The following LRMDA variants were observed in gnomAD, a reference collection of about 807,000 sequenced individuals.
The protein encoded by LRMDA is leucine-rich melanocyte differentiation-associated protein.
LRMDA carries 18 observed loss-of-function variants against 29.8 expected under a neutral mutation model. That is an observed-to-expected ratio of 0.60 (90% CI 0.42 to 0.90). The LOEUF (loss-of-function observed/expected upper bound fraction) is 0.90, where lower values mean the gene tolerates loss of function less well. LRMDA is among the 40% of genes least tolerant of loss of function. The pLI is 0.00. For missense variants in LRMDA, 273 were observed against 273.9 expected, an observed-to-expected ratio of 1.00 and a Z score of 0.02; for synonymous variants, 125 against 109.4, an observed-to-expected ratio of 1.14 and a Z score of -0.89.
chr10:76,344,783 A>G (rs1841081729), intron 6 of LRMDA, among the ~76,000 whole-genome samples: 1 of 152,024 alleles, frequency 6.6e-6, no homozygotes, highest in African/African-American at 2.4e-5. Flanking sequence ...ATAGGTAGGG[A>G]AAAGATGGGC....
At chr10:75,679,406 A>C (rs1040756047) in intron 2 of LRMDA, among the ~76,000 whole-genome samples, 2 of 152,232 alleles carry the variant, frequency 1.3e-5, no homozygotes, top group East Asian at 1.9e-4. Flanking sequence ...TAACTTGCCA[A>C]AGGTAATTCA....
At chr10:76,008,337 C>T (rs909421871) in intron 2 of LRMDA, among the ~76,000 whole-genome samples, 3 of 152,122 alleles carry the variant, frequency 2.0e-5, no homozygotes, top group Admixed American at 1.3e-4. Context: ...GTTTTGATTC[C>T]CATTGACTGA....
rs549245648 is a variant in LRMDA, at chr10:76,367,045, G to A, written c.601+42560G>A. On this transcript the variant is annotated intron_variant, in intron 6 of 6. Transcript: ENST00000611255. ...TTTGTTTTTAATTCTGTTTATGTGG[G>A]GTATCACATTTATTGACTTGCGTAT... Among the ~76,000 whole-genome samples, 6 of 152,044 alleles carry A rather than the reference G, an allele frequency of 3.9e-5. No individual in the cohort carries two copies. In the South Asian group the frequency reaches 1.2e-3, roughly 32 times the overall value.
chr10:75,522,441 C>T (rs1330230763), intron 2 of LRMDA, among the ~76,000 whole-genome samples: 3 of 152,260 alleles, frequency 2.0e-5, no homozygotes, highest in Admixed American at 6.5e-5. Context: ...GTAGTATAGA[C>T]GGATTTTAAA....
chr10:75,790,501 G>A (rs1265279438), intron 2 of LRMDA, among the ~76,000 whole-genome samples: 1 of 152,196 alleles, frequency 6.6e-6, no homozygotes, highest in Non-Finnish European at 1.5e-5. Flanking sequence ...TGGGACAGAT[G>A]GGATCTGAGT....
intron 2 of LRMDA, among the ~76,000 whole-genome samples, chr10:75,871,186 C>G (rs1564592371): frequency 6.6e-6 from 1 of 152,168 alleles, no homozygotes; most frequent in African/African-American, 2.4e-5. Context: ...CTTTAGGGGC[C>G]CCCATTACAT....
At chr10:75,954,003 G>C (rs1036568032) in intron 2 of LRMDA, among the ~76,000 whole-genome samples, 3 of 152,188 alleles carry the variant, frequency 2.0e-5, no homozygotes, top group Non-Finnish European at 2.9e-5. Flanking sequence ...AAGAGAGAGA[G>C]GGATTTGACA....
chr10:76,084,674 T>A (rs1236932358), intron 5 of LRMDA, among the ~76,000 whole-genome samples: 1 of 152,184 alleles, frequency 6.6e-6, no homozygotes, highest in African/African-American at 2.4e-5. Flanking sequence ...AGGTTAAAAA[T>A]GATATATGTA....
intron 5 of LRMDA, among the ~76,000 whole-genome samples, chr10:76,212,931 C>A (rs1247764211): frequency 6.6e-6 from 1 of 152,150 alleles, no homozygotes; most frequent in East Asian, 1.9e-4. Context: ...TTTTGTGCAC[C>A]ATTGCTGACT....
At chr10:76,085,974 C>T (rs967314402) in intron 5 of LRMDA, among the ~76,000 whole-genome samples, 6 of 152,314 alleles carry the variant, frequency 3.9e-5, no homozygotes, top group Middle Eastern at 6.8e-3. Context: ...ACTCCTCCCA[C>T]CTCCTCCTTC....
intron 2 of LRMDA, among the ~76,000 whole-genome samples, chr10:75,830,122 A>G (rs944613118): frequency 2.6e-5 from 4 of 152,130 alleles, no homozygotes; most frequent in Non-Finnish European, 5.9e-5. Flanking sequence ...TTGGGAAAAT[A>G]TATCGAACCA....
At chr10:75,811,432 A>G (rs1313870405) in intron 2 of LRMDA, among the ~76,000 whole-genome samples, 1 of 152,122 alleles carries the variant, frequency 6.6e-6, no homozygotes, top group Non-Finnish European at 1.5e-5. Context: ...TAGGGCTAAC[A>G]GCTGCCTCAG....
intron 4 of LRMDA, among the ~76,000 whole-genome samples, chr10:76,054,359 G>A (rs528730520): frequency 2.1e-4 from 32 of 152,112 alleles, no homozygotes; most frequent in South Asian, 1.0e-3. Context: ...CTGTCTCTTC[G>A]ATTGTATAAG....
At chr10:75,537,587 C>T (rs1179480560) in intron 2 of LRMDA, among the ~76,000 whole-genome samples, 1 of 152,196 alleles carries the variant, frequency 6.6e-6, no homozygotes, top group African/African-American at 2.4e-5. Flanking sequence ...AGGCCTGAGC[C>T]AGGCCCGTAA....
intron 6 of LRMDA, among the ~76,000 whole-genome samples, chr10:76,546,543 T>A (rs1843423198): frequency 6.6e-6 from 1 of 152,214 alleles, no homozygotes; most frequent in South Asian, 2.1e-4. Flanking sequence ...TTAGGAAAGC[T>A]AAGAAGATGT....
chr10:75,721,956 CTGG>C (rs1842572833), intron 2 of LRMDA, among the ~76,000 whole-genome samples: 1 of 152,082 alleles, frequency 6.6e-6, no homozygotes, highest in Non-Finnish European at 1.5e-5. Flanking sequence ...GGAATTAAGG[CTGG>C]TGGTGAAGAA....
intron 5 of LRMDA, among the ~76,000 whole-genome samples, chr10:76,258,746 A>G (rs1839897944): frequency 6.6e-6 from 1 of 152,204 alleles, no homozygotes; most frequent in African/African-American, 2.4e-5. Context: ...TATTTCGCTT[A>G]ACATAATATC....
At position 76,026,169 on chromosome 10, in the gene LRMDA, G is replaced by A. The variant is rs111304767; in HGVS notation, c.132-9839G>A. Among the ~76,000 whole-genome samples, 35 of 152,290 alleles carry A rather than the reference G, an allele frequency of 2.3e-4. No homozygotes were observed. In the East Asian group the frequency reaches 2.3e-3, roughly 10 times the overall value. On this transcript the variant is annotated intron_variant, in intron 2 of 6. Transcript: ENST00000611255. ...GAAAAAGAACTCGAAAACCATTTAG[G>A]TTCATCATTATATTAATAATTGAGG...
At chr10:76,254,917 T>G (rs1837785837) in intron 5 of LRMDA, among the ~76,000 whole-genome samples, 1 of 152,184 alleles carries the variant, frequency 6.6e-6, no homozygotes, top group South Asian at 2.1e-4. Flanking sequence ...CCTCCTCGCA[T>G]TTGGGTTACA....
Sources: gnomAD v4.1 joint callset for allele counts (sites outside exome capture counted in the v4.1 genomes callset) on GRCh38, gnomAD v4.1.1 for gene constraint, MANE v1.5 for transcripts, NCBI Gene and HGNC (gene_info 2026-07-23, HGNC 2026-07-21) for gene names.